Variants in NALF1 observed in about 807,000 individuals in gnomAD.
NALF1 encodes the protein NALCN channel auxiliary factor 1.
A neutral mutation model predicts 48.4 loss-of-function variants in NALF1; 3 were observed. The ratio of observed to expected loss-of-function variants is 0.06; its 90% confidence interval spans 0.03 to 0.16. The LOEUF (loss-of-function observed/expected upper bound fraction) is 0.16, where lower values mean the gene tolerates loss of function less well. Ranked by LOEUF, NALF1 falls within the 10% of genes least tolerant of loss-of-function variation. The pLI is 1.00. For synonymous variants in NALF1, 262 were observed against 245.7 expected, an observed-to-expected ratio of 1.07 and a Z score of -0.62; for missense variants, 526 against 571.5, an observed-to-expected ratio of 0.92 and a Z score of 0.81.
intron 1 of NALF1, among the ~76,000 whole-genome samples, chr13:107,618,027 T>C (rs1178158906): frequency 6.6e-6 from 1 of 152,110 alleles, no homozygotes; most frequent in Non-Finnish European, 1.5e-5. Context: ...TGCTCCCTGC[T>C]CTCATGTAGC....
At position 107,425,686 on chromosome 13, in the gene NALF1, C is replaced by T. The variant is rs948165291; in HGVS notation, c.916-214931G>A. ...CTCTCTACTATGATTTGGAAATCTA[C>T]ATATTATGATATTGAATACCTATTT... On this transcript the variant is annotated intron_variant, in intron 1 of 2. Transcript: ENST00000375915. 4.6e-5 allele frequency among the ~76,000 whole-genome samples: 7 copies of T among 152,182 alleles called. No homozygotes were observed. In the East Asian group the frequency reaches 1.4e-3, roughly 29 times the overall value.
At chr13:107,815,400 C>A (rs542016246) in intron 1 of NALF1, among the ~76,000 whole-genome samples, 2 of 152,096 alleles carry the variant, frequency 1.3e-5, no homozygotes, top group East Asian at 3.9e-4. Flanking sequence ...CCAATAAATT[C>A]TTGAAGAGCA....
chr13:107,595,239 T>A (rs941326983), intron 1 of NALF1, among the ~76,000 whole-genome samples: 2 of 152,174 alleles, frequency 1.3e-5, no homozygotes, highest in African/African-American at 4.8e-5. Context: ...GAAAAGTTTA[T>A]CTTCTAATTA....
intron 1 of NALF1, among the ~76,000 whole-genome samples, chr13:107,797,182 T>A (rs1878451062): frequency 6.6e-6 from 1 of 152,084 alleles, no homozygotes; most frequent in African/African-American, 2.4e-5. Context: ...ACATTTCTAT[T>A]CCTCATCACC....
At chr13:107,395,960 T>G (rs1883705106) in intron 1 of NALF1, among the ~76,000 whole-genome samples, 1 of 152,170 alleles carries the variant, frequency 6.6e-6, no homozygotes. Flanking sequence ...GGCTGAGGTT[T>G]AGGATTTTGT....
chr13:107,795,406 A>G (rs1878389324), intron 1 of NALF1, among the ~76,000 whole-genome samples: 1 of 152,134 alleles, frequency 6.6e-6, no homozygotes, highest in African/African-American at 2.4e-5. Flanking sequence ...TCACCTTAAC[A>G]CAGAGATTGG....
chr13:107,634,857 G>T (rs1345233779), intron 1 of NALF1, among the ~76,000 whole-genome samples: 2 of 152,046 alleles, frequency 1.3e-5, no homozygotes, highest in Non-Finnish European at 2.9e-5. Flanking sequence ...GTCTACAATG[G>T]GAACTGGATA....
Position 107,834,388 on chromosome 13 carries a change from TA to T in NALF1, c.915+31293del, listed in dbSNP as rs371134898. ...GCCAGAGAGCAAGAGACTGAATTTT[TA>T]ACGTTTTTTATAACTGCACAGCTCT... is the stretch of plus-strand genomic sequence containing the variant. On this transcript the variant is annotated intron_variant, in intron 1 of 2. Coordinates refer to ENST00000375915, the MANE Select transcript of NALF1 (RefSeq NM_001080396.3). Among the ~76,000 whole-genome samples, 191 of 152,312 alleles carry T rather than the reference TA, an allele frequency of 1.3e-3. 5 individuals are homozygous for T. Among genetic ancestry groups the T allele is most frequent in the African/African-American group, 4.2e-3 (174 of 41,570 alleles).
At chr13:107,707,722 T>C (rs1281965883) in intron 1 of NALF1, among the ~76,000 whole-genome samples, 4 of 152,236 alleles carry the variant, frequency 2.6e-5, no homozygotes, top group African/African-American at 9.6e-5. Context: ...CTCATAGCTA[T>C]ATAGCCTTCA....
At chr13:107,334,678 A>C (rs1002624808) in intron 1 of NALF1, among the ~76,000 whole-genome samples, 5 of 152,234 alleles carry the variant, frequency 3.3e-5, no homozygotes, top group African/African-American at 1.2e-4. Flanking sequence ...AAAACCTTTT[A>C]AATGGCTCTC....
chr13:107,520,375 C>G (rs1052456381), intron 1 of NALF1, among the ~76,000 whole-genome samples: 10 of 152,108 alleles, frequency 6.6e-5, no homozygotes, highest in Non-Finnish European at 1.3e-4. Flanking sequence ...TGTATCTTCA[C>G]AGTAAATGTC....
intron 1 of NALF1, among the ~76,000 whole-genome samples, chr13:107,274,021 C>T (rs1031246574): frequency 7.7e-6 from 1 of 129,184 alleles, no homozygotes; most frequent in African/African-American, 2.7e-5. Flanking sequence ...CACTGAGGTC[C>T]AGTGATCTGT....
intron 1 of NALF1, among the ~76,000 whole-genome samples, chr13:107,706,821 A>T (rs1265760903): frequency 6.6e-6 from 1 of 152,158 alleles, no homozygotes; most frequent in East Asian, 1.9e-4. Context: ...TTTTCTGTTA[A>T]TAATTCTAAC....
chr13:107,705,308 A>C (rs756627333), intron 1 of NALF1, among the ~76,000 whole-genome samples: 4 of 152,232 alleles, frequency 2.6e-5, no homozygotes, highest in Admixed American at 6.5e-5. Flanking sequence ...TTCTCAGTGC[A>C]GGATGCAGTC....
At chr13:107,763,337 C>T (rs1360570741) in intron 1 of NALF1, among the ~76,000 whole-genome samples, 1 of 151,902 alleles carries the variant, frequency 6.6e-6, no homozygotes, top group Admixed American at 6.6e-5. Context: ...TGCTATTCTC[C>T]ATATAATGTC....
chr13:107,247,403 G>A (rs1236486664), intron 1 of NALF1, among the ~76,000 whole-genome samples: 1 of 152,204 alleles, frequency 6.6e-6, no homozygotes, highest in African/African-American at 2.4e-5. Flanking sequence ...TGTTTTTGAT[G>A]ATACACCCCA....
intron 1 of NALF1, among the ~76,000 whole-genome samples, chr13:107,426,501 G>A (rs963379561): frequency 2.6e-5 from 4 of 152,092 alleles, no homozygotes; most frequent in African/African-American, 4.8e-5. Context: ...TGAATGCCCA[G>A]GCCCCTCCAC....
At chr13:107,804,782 G>T (rs1020078996) in intron 1 of NALF1, among the ~76,000 whole-genome samples, 1 of 152,150 alleles carries the variant, frequency 6.6e-6, no homozygotes, top group East Asian at 1.9e-4. Flanking sequence ...GTGGTGTAAT[G>T]AACAATACCA....
chr13:107,581,207 G>A (rs1372252851), intron 1 of NALF1, among the ~76,000 whole-genome samples: 2 of 152,170 alleles, frequency 1.3e-5, no homozygotes, highest in African/African-American at 4.8e-5. Context: ...CAAAGGCTGG[G>A]CAACTGCTGT....
Sources: gnomAD v4.1 joint callset for allele counts (sites outside exome capture counted in the v4.1 genomes callset) on GRCh38, gnomAD v4.1.1 for gene constraint, MANE v1.5 for transcripts, NCBI Gene and HGNC (gene_info 2026-07-23, HGNC 2026-07-21) for gene names.